The following KMT2A variants were observed in gnomAD, a reference collection of about 807,000 sequenced individuals.
The protein encoded by KMT2A is histone-lysine N-methyltransferase 2A.
KMT2A carries 16 observed loss-of-function variants against 345.3 expected under a neutral mutation model. The observed-to-expected ratio is 0.05, with a 90% CI of 0.03 to 0.07. The LOEUF (loss-of-function observed/expected upper bound fraction) is 0.07. Among genes scored for constraint, KMT2A ranks in the 10% least tolerant of loss-of-function variants. KMT2A has a pLI of 1.00. For missense variants in KMT2A, 3,272 were observed against 4,841.6 expected (o/e 0.68, Z 9.62); for synonymous variants, 1,599 against 1,778.6 (o/e 0.90, Z 2.54).
chr11:118,453,248 C>A (rs1243593509), intron 1 of KMT2A, among the ~76,000 whole-genome samples: 1 of 152,166 alleles, frequency 6.6e-6, no homozygotes, highest in African/African-American at 2.4e-5. Flanking sequence ...CTCAACTACT[C>A]CAGTTGGGCT....
In KMT2A at chr11:118,523,141, G is replaced by T. The variant is rs9332871; in HGVS notation, c.*969G>T. ...AAAGAAACATATGTAGCATGATTTT[G>T]TAGGAGAGGAAAAAGATTATTTAAA... On this transcript the variant is annotated 3_prime_UTR_variant, in exon 36 of 36. Coordinates refer to ENST00000534358, the MANE Select transcript of KMT2A (RefSeq NM_001197104.2). The T allele has an allele frequency of 0.049, 11,161 of 226,602 alleles. 340 individuals carry two copies. The highest frequency in any genetic ancestry group is 0.072 in the South Asian group (396 of 5,476). 14.0% of individuals were successfully genotyped at this position (226,602 alleles called of 1,614,324 possible).
At chr11:118,518,737 G>A (rs1158379938) in intron 31 of KMT2A, among the ~76,000 whole-genome samples, 1 of 144,554 alleles carries the variant, frequency 6.9e-6, no homozygotes, top group Non-Finnish European at 1.5e-5. Flanking sequence ...AGCTGAGATC[G>A]GACCACTGCA....
intron 10 of KMT2A, 91 bp downstream of exon 10, chr11:118,485,066 C>T (rs1555040519): frequency 3.7e-6 from 3 of 804,578 alleles, no homozygotes; most frequent in East Asian, 5.0e-5. Flanking sequence ...TGGTATTTAG[C>T]AGGTACTATT....
chr11:118,464,901 T>C (rs1949814431), intron 1 of KMT2A, among the ~76,000 whole-genome samples: 1 of 152,214 alleles, frequency 6.6e-6, no homozygotes, highest in Admixed American at 6.5e-5. Context: ...ATCAGCTTAT[T>C]TGAAAGTGTT....
chr11:118,495,904 A>G lies in KMT2A; in HGVS notation c.5557+11A>G, dbSNP rs782134028. On this transcript the variant is annotated intron_variant, in intron 19 of 35. Transcript: ENST00000534358. This position sits in a 1 kb window ranked among gnomAD's most constrained non-coding sequence, Gnocchi z 4.1. ...CACCACCAATTTTGAGTAAGCCACC[A>G]AAAGGAGAGTCGTCACCCATTTCCC... 2.0e-5 allele frequency: 32 copies of G among 1,591,970 alleles called. No individual in the cohort carries two copies. Among genetic ancestry groups the G allele is most frequent in the African/African-American group, 2.7e-5 (2 of 74,170 alleles).
chr11:118,525,239 T>C lies in KMT2A; in HGVS notation c.*3067T>C, dbSNP rs782394009. On this transcript the variant is annotated 3_prime_UTR_variant, in exon 36 of 36. Transcript: ENST00000534358. ...TCCCCCAAGGGGCATCCCAAATCCC[T>C]GAGGAGTAACAGCTGCAAACCTGGT... 7.5e-4 allele frequency: 173 copies of C among 231,392 alleles called. 3 individuals are homozygous for C. Among genetic ancestry groups the C allele is most frequent in the Non-Finnish European group, 1.3e-3 (157 of 116,890 alleles). 14.3% of individuals were successfully genotyped at this position (231,392 alleles called of 1,614,324 possible). A position where few individuals can be genotyped will look rare whatever the true frequency, so the allele number is the denominator to read the frequency against.
chr11:118,473,975 A>G lies in KMT2A; in HGVS notation c.2816A>G (p.His939Arg). The G allele has an allele frequency of 5.6e-6, 9 of 1,613,958 alleles. No individual in the cohort carries two copies. The highest frequency in any genetic ancestry group is 7.6e-6 in the Non-Finnish European group (9 of 1,179,916). ...ACAGGGCGGAAGAAGTCTTCATCAC[A>G]TGATTCTGGGACTGATATTACTTCT... ...KATGRKKSSS[H>R]DSGTDITSVT... is the part of the protein sequence containing the mutation. Residue 939 changes from histidine to arginine, a missense_variant, in exon 3 of 36, where the codon CAT (histidine) becomes CGT (arginine). Around this residue, in one of 27 missense-constraint regions of KMT2A, gnomAD observed 209 missense variants for 237.4 expected, o/e 0.88. Transcript: ENST00000534358. The surrounding 1 kb of genome is among the most constrained non-coding windows in gnomAD (Gnocchi z 5.2).
intron 1 of KMT2A, among the ~76,000 whole-genome samples, chr11:118,468,397 C>T (rs1949885039): frequency 6.6e-6 from 1 of 152,028 alleles, no homozygotes. Flanking sequence ...TTTTGAAAAG[C>T]ATTTGTTTGT....
intron 1 of KMT2A, among the ~76,000 whole-genome samples, chr11:118,443,478 C>T (rs1193064719): frequency 6.6e-6 from 1 of 152,186 alleles, no homozygotes; most frequent in Admixed American, 6.5e-5. Context: ...CTTCTAAAGA[C>T]TTAAGACATT....
In KMT2A at chr11:118,469,115, A is replaced by G. The variant is rs547448531; in HGVS notation, c.502+271A>G. Among the ~76,000 whole-genome samples, 218 of 151,554 alleles carry G rather than the reference A, an allele frequency of 1.4e-3. 2 individuals carry two copies. Among genetic ancestry groups the G allele is most frequent in the African/African-American group, 5.2e-3 (213 of 41,326 alleles). The stretch of plus-strand genomic sequence containing the variant: ...ACTAACTCGTCATCTAGCATTAGGT[A>G]TATCTCCCAATGCTATCCCTCCCCC... On this transcript the variant is annotated intron_variant, in intron 2 of 35. Coordinates refer to ENST00000534358, the MANE Select transcript of KMT2A (RefSeq NM_001197104.2).
chr11:118,461,390 C>T (rs139318089), intron 1 of KMT2A, among the ~76,000 whole-genome samples: 47 of 152,300 alleles, frequency 3.1e-4, no homozygotes, highest in Middle Eastern at 3.4e-3. Flanking sequence ...TAGGAAGTGA[C>T]ATTACATAGC....
chr11:118,515,297 T>A (rs1950787368), intron 31 of KMT2A, among the ~76,000 whole-genome samples: 1 of 152,228 alleles, frequency 6.6e-6, no homozygotes, highest in African/African-American at 2.4e-5. Context: ...CTCCTGTTAA[T>A]CCTTTAAGAC....
At chr11:118,447,337 A>G (rs893004710) in intron 1 of KMT2A, among the ~76,000 whole-genome samples, 2 of 152,182 alleles carry the variant, frequency 1.3e-5, no homozygotes, top group African/African-American at 4.8e-5. Flanking sequence ...TATTTGTTGA[A>G]TTGAAAATTT....
intron 24 of KMT2A, 138 bp from the exon 25 acceptor site, chr11:118,500,849 A>G (rs1950489362): frequency 3.6e-6 from 2 of 556,400 alleles, no homozygotes; most frequent in Non-Finnish European, 6.1e-6. Context: ...GGGAATCTAT[A>G]CTAAGAACCC....
chr11:118,473,487 C>T lies in KMT2A; in HGVS notation c.2328C>T (p.Val776=), dbSNP rs781842820. The change falls in exon 3 of 36, where the codon GTC becomes GTT. Residue 776 remains valine (V), a synonymous_variant. Transcript: ENST00000534358. The surrounding 1 kb of genome is among the most constrained non-coding windows in gnomAD (Gnocchi z 5.2). Reference sequence around the variant, plus strand: ...CACCTCTCACCCCCCCGTCTTCTGTCTCTTCCTCGTTAAGCATTTCTGTTA... The same window carrying T: ...CACCTCTCACCCCCCCGTCTTCTGTTTCTTCCTCGTTAAGCATTTCTGTTA... ...ELSPLTPPSS[V]SSSLSISVSP... 2 of 1,614,052 alleles carry T rather than the reference C, an allele frequency of 1.2e-6. No homozygotes were observed. Among genetic ancestry groups the T allele is most frequent in the South Asian group, 2.2e-5 (2 of 91,094 alleles).
intron 5 of KMT2A, among the ~76,000 whole-genome samples, chr11:118,479,597 T>C (rs1555038640): frequency 6.6e-6 from 1 of 152,216 alleles, no homozygotes; most frequent in Admixed American, 6.5e-5. Context: ...TGGAAAGAAG[T>C]AAACTAATTC....
intron 15 of KMT2A, among the ~76,000 whole-genome samples, chr11:118,492,400 C>T (rs1432892479): frequency 1.3e-5 from 2 of 152,238 alleles, no homozygotes; most frequent in Admixed American, 1.3e-4. Context: ...CCACACGGGG[C>T]CGGGCGCGGT....
chr11:118,437,015 G>C, intron 1 of KMT2A, 71 bp downstream of exon 1: 1 of 1,352,626 alleles, frequency 7.4e-7, no homozygotes, highest in Non-Finnish European at 9.6e-7. Context: ...CCCCCATCCG[G>C]GATTGAGGAG....
Position 118,472,146 on chromosome 11 carries a change from A to G in KMT2A, c.987A>G (p.Lys329=). 1 of 1,614,092 alleles carries G rather than the reference A, an allele frequency of 6.2e-7. No individual in the cohort carries two copies. The highest frequency in any genetic ancestry group is 1.1e-5 in the South Asian group (1 of 91,082). Residue 329 remains lysine, a synonymous_variant, in exon 3 of 36, where the codon AAA becomes AAG. Transcript: ENST00000534358. ...ATTCTGAACTGGAAAAGCCCCAGAA[A>G]GTCCGGAAAGACAAGGAAGGAACAC... ...LINSELEKPQ[K]VRKDKEGTPP...
Sources: gnomAD v4.1 joint callset for allele counts (sites outside exome capture counted in the v4.1 genomes callset) on GRCh38, gnomAD v4.1.1 for gene constraint, gnomAD v4.1.1 regional missense constraint, Gnocchi (gnomAD v3.1) non-coding constraint, MANE v1.5 for transcripts, NCBI Gene and HGNC (gene_info 2026-07-23, HGNC 2026-07-21) for gene names.